CUBN: variants seen among roughly 807,000 people sequenced by gnomAD.
CUBN encodes the protein cubilin.
In CUBN, 282 loss-of-function variants were observed where a neutral mutation model predicts 405.3. The ratio of observed to expected loss-of-function variants is 0.70; its 90% CI spans 0.63 to 0.77. The LOEUF (loss-of-function observed/expected upper bound fraction) is 0.77. CUBN is among the 30% of genes least tolerant of loss of function. CUBN has a pLI of 0.00. For missense variants in CUBN, 4,514 were observed against 4,475.2 expected (o/e 1.01, Z -0.25); for synonymous variants, 1,684 against 1,617.0 (o/e 1.04, Z -0.99).
intron 22 of CUBN, among the ~76,000 whole-genome samples, chr10:17,060,640 G>T (rs1402221339): frequency 7.2e-5 from 11 of 152,148 alleles, no homozygotes; most frequent in Admixed American, 7.2e-4. Flanking sequence ...TTTAAAAGAC[G>T]AATCGACTTA....
At chr10:17,030,034 A>G (rs1366303373) in intron 27 of CUBN, among the ~76,000 whole-genome samples, 1 of 152,182 alleles carries the variant, frequency 6.6e-6, no homozygotes, top group Non-Finnish European at 1.5e-5. Context: ...CATGAACCCT[A>G]TTGTGAACTG....
chr10:16,914,484 G>A (rs1841826124), intron 47 of CUBN, among the ~76,000 whole-genome samples: 1 of 151,980 alleles, frequency 6.6e-6, no homozygotes, highest in Non-Finnish European at 1.5e-5. Flanking sequence ...GCTTGAACCC[G>A]GGAGGCAGAG....
intron 28 of CUBN, among the ~76,000 whole-genome samples, chr10:17,003,469 C>G (rs1210099859): frequency 6.6e-6 from 1 of 152,118 alleles, no homozygotes; most frequent in African/African-American, 2.4e-5. Context: ...AATTTTTTCA[C>G]CACGTGGCAG....
intron 54 of CUBN, among the ~76,000 whole-genome samples, chr10:16,893,188 T>G (rs1002709656): frequency 6.6e-6 from 1 of 152,220 alleles, no homozygotes; most frequent in African/African-American, 2.4e-5. Context: ...TTATATTTTA[T>G]CATTCAACTA....
At chr10:16,847,218 C>T (rs1024809920) in intron 60 of CUBN, among the ~76,000 whole-genome samples, 4 of 152,212 alleles carry the variant, frequency 2.6e-5, no homozygotes, top group East Asian at 3.9e-4. Flanking sequence ...TTTGGGAGGC[C>T]GAGGCGGGCG....
intron 57 of CUBN, among the ~76,000 whole-genome samples, chr10:16,875,302 T>A (rs1211438435): frequency 1.3e-5 from 2 of 152,196 alleles, no homozygotes; most frequent in East Asian, 3.9e-4. Context: ...GGTTTACATA[T>A]GAGGATCAGA....
intron 17 of CUBN, among the ~76,000 whole-genome samples, chr10:17,077,429 T>C (rs1280933256): frequency 6.6e-6 from 1 of 152,220 alleles, no homozygotes; most frequent in Non-Finnish European, 1.5e-5. Context: ...GTCGTGAGCT[T>C]TAACATCTGG....
intron 27 of CUBN, among the ~76,000 whole-genome samples, chr10:17,034,726 C>A (rs1204952336): frequency 1.3e-5 from 2 of 152,098 alleles, no homozygotes. Flanking sequence ...GTAGAGACTG[C>A]AATCTTTTGT....
chr10:16,871,326 C>T (rs935733473), intron 58 of CUBN, among the ~76,000 whole-genome samples: 1 of 151,614 alleles, frequency 6.6e-6, no homozygotes, highest in Admixed American at 6.6e-5. Flanking sequence ...AGGCATGGGA[C>T]ACCATGCCCA....
At position 17,065,607 on chromosome 10, in the gene CUBN, TGA is replaced by T; in HGVS notation, c.3038_3039del (p.Leu1013HisfsTer5). The T allele has an allele frequency of 1.9e-6, 3 of 1,613,538 alleles. No individual in the cohort carries two copies. The highest frequency in any genetic ancestry group is 2.5e-6 in the Non-Finnish European group (3 of 1,179,524). On this transcript the variant is annotated frameshift_variant, in exon 22 of 67. Transcript: ENST00000377833. LOFTEE classifies it high-confidence loss of function. ...AGCATCAATGAGTTACCACTGCTTG[TGA>T]GAGATGGCGGGATCGACTTTCCACA... is the stretch of plus-strand genomic sequence containing the variant. Reference protein sequence around the residue: ...RYCGKSIPPSLTSSGNSLMLV... With the variant: ...RYCGKSIPPSXTSSGNSLMLV...
Position 16,863,969 on chromosome 10 carries a change from T to C in CUBN, c.9454+5667A>G, listed in dbSNP as rs187014002. Among the ~76,000 whole-genome samples the C allele has an allele frequency of 1.4e-3, 217 of 152,304 alleles. 1 individual carries two copies. Among genetic ancestry groups the C allele is most frequent in the African/African-American group, 4.8e-3 (200 of 41,562 alleles). ...TCCGGTATTCCTAATTCTCTGAAGA[T>C]GAAAGTGATTCAATTTACCTCCCTG... is the stretch of plus-strand genomic sequence containing the variant. On this transcript the variant is annotated intron_variant, in intron 59 of 66. Coordinates refer to ENST00000377833, the MANE Select transcript of CUBN (RefSeq NM_001081.4).
Position 16,939,085 on chromosome 10 carries a change from T to C in CUBN, c.5611A>G (p.Asn1871Asp). The change falls in exon 38 of 67, where the codon AAC (asparagine) becomes GAC (aspartate). Residue 1871 changes from asparagine (N) to aspartate (D), a missense_variant. Asn to Asp is a conservative substitution (Grantham distance 23, BLOSUM62 1). Coordinates refer to ENST00000377833, the MANE Select transcript of CUBN (RefSeq NM_001081.4). ...GKVASPFWPE[N>D]YPHNSNYQWT... ...TGGTAATTGGAGTTATGTGGGTAGT[T>C]TTCAGGCCAGAAAGGAGAGGCGACT... 6.2e-7 allele frequency: 1 copy of C among 1,613,962 alleles called. No homozygotes were observed. The highest frequency in any genetic ancestry group is 1.1e-5 in the South Asian group (1 of 91,074).
intron 28 of CUBN, among the ~76,000 whole-genome samples, chr10:16,991,664 T>A (rs1246971848): frequency 6.7e-6 from 1 of 150,020 alleles, no homozygotes; most frequent in East Asian, 1.9e-4. Flanking sequence ...CTTTATTGGT[T>A]GGTAAATTCT....
In CUBN at chr10:17,065,594, T is replaced by C. The variant is rs768762226; in HGVS notation, c.3053A>G (p.Asn1018Ser). 6.8e-6 allele frequency: 11 copies of C among 1,613,526 alleles called. No individual in the cohort carries two copies. The South Asian group carries it at 1.2e-4, about 18-fold the overall frequency. Residue 1018 changes from asparagine to serine, a missense_variant, in exon 22 of 67, where the codon AAC becomes AGC. This residue lies in a region of CUBN where 1,448 missense variants were observed against 1,388.0 expected (regional missense o/e 1.04). Transcript: ENST00000377833. ...AGTCACAAACACCAGCATCAATGAG[T>C]TACCACTGCTTGTGAGAGATGGCGG... is the stretch of plus-strand genomic sequence containing the variant. ...SIPPSLTSSGNSLMLVFVTDS... is the reference protein window; with the variant it reads ...SIPPSLTSSGSSLMLVFVTDS...
At chr10:17,084,197 T>A in intron 17 of CUBN, 74 bp downstream of exon 17, 26 of 1,476,884 alleles carry the variant, frequency 1.8e-5, no homozygotes, top group Non-Finnish European at 2.5e-5. Context: ...AACAATCTTT[T>A]GAAGACCACC....
chr10:16,979,963 C>T (rs1458578815), intron 31 of CUBN, among the ~76,000 whole-genome samples: 1 of 151,980 alleles, frequency 6.6e-6, no homozygotes, highest in Non-Finnish European at 1.5e-5. Flanking sequence ...GGCTAATATC[C>T]AGAATCTACA....
intron 36 of CUBN, among the ~76,000 whole-genome samples, chr10:16,940,457 T>C (rs996901326): frequency 6.6e-6 from 1 of 152,202 alleles, no homozygotes; most frequent in Non-Finnish European, 1.5e-5. Context: ...ATCAAGGAGT[T>C]TTCTTCCTAG....
At chr10:16,969,524 T>G (rs1843494610) in intron 31 of CUBN, among the ~76,000 whole-genome samples, 1 of 152,126 alleles carries the variant, frequency 6.6e-6, no homozygotes, top group South Asian at 2.1e-4. Flanking sequence ...CCAGCTAATT[T>G]TTGTATTTTT....
chr10:17,043,151 G>T (rs1365200639), intron 26 of CUBN, among the ~76,000 whole-genome samples: 1 of 152,126 alleles, frequency 6.6e-6, no homozygotes, highest in Admixed American at 6.6e-5. Context: ...AAGAAACCAT[G>T]GGACCACAAA....
Sources: allele counts gnomAD v4.1 joint callset (sites outside exome capture counted in the v4.1 genomes callset), GRCh38; gene constraint gnomAD v4.1.1; regional missense constraint gnomAD v4.1.1; transcripts MANE v1.5; gene names NCBI Gene and HGNC (gene_info 2026-07-23, HGNC 2026-07-21).